Variants in LPP observed in about 807,000 individuals in gnomAD.
The protein encoded by LPP is lipoma-preferred partner.
A neutral mutation model predicts 60.4 loss-of-function variants in LPP; 38 were observed. The observed-to-expected ratio is 0.63, with a 90% CI of 0.49 to 0.83. LPP has a LOEUF of 0.83. Among genes scored for constraint, LPP ranks in the 40% least tolerant of loss-of-function variants. LPP has a pLI of 0.00. For missense variants in LPP, 902 were observed against 783.6 expected (o/e 1.15, Z -1.80); for synonymous variants, 328 against 290.8 (o/e 1.13, Z -1.30).
chr3:188,260,938 G>A (rs1733399733), intron 2 of LPP, among the ~76,000 whole-genome samples: 1 of 152,028 alleles, frequency 6.6e-6, no homozygotes, highest in Admixed American at 6.6e-5. Flanking sequence ...AGGAGGCTGA[G>A]TCAGGAGAAT....
intron 5 of LPP, among the ~76,000 whole-genome samples, chr3:188,485,517 G>T (rs1166695110): frequency 2.6e-5 from 4 of 152,154 alleles, no homozygotes; most frequent in Non-Finnish European, 5.9e-5. Context: ...AATGGAATGG[G>T]CCGGGCGCGG....
chr3:188,684,078 CACAT>C (rs1409121582), intron 7 of LPP, among the ~76,000 whole-genome samples: 1 of 152,244 alleles, frequency 6.6e-6, no homozygotes, highest in Admixed American at 6.5e-5. Flanking sequence ...AACTGCAAGA[CACAT>C]ACGCATTGGC....
chr3:188,479,872 G>T (rs919111260), intron 4 of LPP, among the ~76,000 whole-genome samples: 5 of 152,178 alleles, frequency 3.3e-5, no homozygotes, highest in Non-Finnish European at 7.4e-5. Context: ...GAGTTGAATT[G>T]TTCCCATGTG....
chr3:188,384,330 ATGTGTGTG>A (rs61561622), intron 3 of LPP, among the ~76,000 whole-genome samples: 2 of 148,798 alleles, frequency 1.3e-5, no homozygotes, highest in Non-Finnish European at 3.0e-5. Context: ...ATGTATGTGC[ATGTGTGTG>A]TGTGTGTGTG....
chr3:188,291,663 AAG>A (rs1491029927), intron 2 of LPP, among the ~76,000 whole-genome samples: 1 of 151,204 alleles, frequency 6.6e-6, no homozygotes, highest in Non-Finnish European at 1.5e-5. Flanking sequence ...AAAAAAAAAA[AAG>A]AGAAAGGACA....
intron 9 of LPP, among the ~76,000 whole-genome samples, chr3:188,767,222 A>ATT: frequency 6.6e-6 from 1 of 152,190 alleles, no homozygotes; most frequent in Non-Finnish European, 1.5e-5. Flanking sequence ...TCAGACCAAA[A>ATT]TAAGATAATA....
intron 7 of LPP, among the ~76,000 whole-genome samples, chr3:188,699,256 A>G (rs931148460): frequency 6.6e-6 from 1 of 152,172 alleles, no homozygotes; most frequent in Non-Finnish European, 1.5e-5. Flanking sequence ...GTGGAGACGG[A>G]GAGAGGTGGG....
chr3:188,464,328 T>C (rs1415904626), intron 4 of LPP, among the ~76,000 whole-genome samples: 1 of 152,154 alleles, frequency 6.6e-6, no homozygotes, highest in East Asian at 1.9e-4. Flanking sequence ...TGAAGTTGAA[T>C]TTAAATCTAC....
chr3:188,309,491 G>A (rs1752704099), intron 2 of LPP, among the ~76,000 whole-genome samples: 1 of 152,118 alleles, frequency 6.6e-6, no homozygotes, highest in African/African-American at 2.4e-5. Context: ...GATGATCCCT[G>A]ATTTCTCTGT....
intron 4 of LPP, among the ~76,000 whole-genome samples, chr3:188,439,121 TAAAG>T (rs1165106297): frequency 2.6e-5 from 4 of 152,236 alleles, no homozygotes; most frequent in African/African-American, 7.2e-5. Flanking sequence ...CATTTTCTGA[TAAAG>T]AAAGGGGAGT....
At chr3:188,753,739 A>T (rs1312496248) in intron 8 of LPP, among the ~76,000 whole-genome samples, 2 of 151,906 alleles carry the variant, frequency 1.3e-5, no homozygotes, top group South Asian at 2.1e-4. Context: ...AGTGGCAGTC[A>T]TTGATCCTTT....
chr3:188,292,574 G>A (rs1290436179), intron 2 of LPP, among the ~76,000 whole-genome samples: 1 of 152,194 alleles, frequency 6.6e-6, no homozygotes, highest in African/African-American at 2.4e-5. Flanking sequence ...AGGTGGGAAG[G>A]ATTGAATTCT....
intron 9 of LPP, among the ~76,000 whole-genome samples, chr3:188,854,531 G>A (rs904256453): frequency 6.6e-6 from 1 of 152,130 alleles, no homozygotes; most frequent in African/African-American, 2.4e-5. Flanking sequence ...TCTTCCATTG[G>A]CAGAAATACA....
intron 4 of LPP, among the ~76,000 whole-genome samples, chr3:188,407,816 G>C (rs1444575427): frequency 6.4e-5 from 6 of 93,066 alleles, no homozygotes; most frequent in African/African-American, 2.3e-4. Flanking sequence ...TTGAGATGGA[G>C]TTTCACTCTT....
chr3:188,737,639 G>A (rs1032745934), intron 8 of LPP, among the ~76,000 whole-genome samples: 1 of 152,168 alleles, frequency 6.6e-6, no homozygotes, highest in African/African-American at 2.4e-5. Flanking sequence ...AGTAGTTCTA[G>A]ACTCAGATAC....
At chr3:188,802,789 G>GA (rs965892061) in intron 9 of LPP, among the ~76,000 whole-genome samples, 19 of 143,084 alleles carry the variant, frequency 1.3e-4, no homozygotes, top group East Asian at 6.1e-4. Flanking sequence ...TGTCTCAAAA[G>GA]AAAAAAAAAA....
At position 188,572,558 on chromosome 3, in the gene LPP, G is replaced by A. The variant is rs911911207; in HGVS notation, c.430-36603G>A. On this transcript the variant is annotated intron_variant, in intron 6 of 11. Coordinates refer to ENST00000617246, the MANE Select transcript of LPP (RefSeq NM_001375462.1). This position sits in a 1 kb window ranked among gnomAD's most constrained non-coding sequence, Gnocchi z 4.1. The stretch of plus-strand genomic sequence containing the variant: ...AGTCTAGAGAACCTGATTTGTAACT[G>A]TATCATTATGACTTACTGAATTTCA... Among the ~76,000 whole-genome samples the A allele has an allele frequency of 6.6e-6, 1 of 152,042 alleles. No homozygotes were observed. Among genetic ancestry groups the A allele is most frequent in the Admixed American group, 6.6e-5 (1 of 15,248 alleles).
At chr3:188,546,271 T>G (rs1826629221) in intron 6 of LPP, among the ~76,000 whole-genome samples, 2 of 152,162 alleles carry the variant, frequency 1.3e-5, no homozygotes, top group Admixed American at 6.6e-5. Context: ...GCCAGATTAT[T>G]TCTATGTTGT....
At position 188,352,644 on chromosome 3, in the gene LPP, A is replaced by G. The variant is rs558160561; in HGVS notation, c.-10+10925A>G. On this transcript the variant is annotated intron_variant, in intron 3 of 11. Coordinates refer to ENST00000617246, the MANE Select transcript of LPP (RefSeq NM_001375462.1). This position sits in a 1 kb window ranked among gnomAD's most constrained non-coding sequence, Gnocchi z 4.4. ...TGACTTGCTCAAGGCCACAGAGTGC[A>G]TAGAGAGAAGGCTGGGAGAGGAGGT... Among the ~76,000 whole-genome samples, 106 of 152,334 alleles carry G rather than the reference A, an allele frequency of 7.0e-4. 1 individual carries two copies. Among genetic ancestry groups the G allele is most frequent in the African/African-American group, 2.5e-3 (104 of 41,586 alleles).
Sources: allele counts gnomAD v4.1 joint callset (sites outside exome capture counted in the v4.1 genomes callset), GRCh38; gene constraint gnomAD v4.1.1; non-coding constraint Gnocchi (gnomAD v3.1); transcripts MANE v1.5; gene names NCBI Gene and HGNC (gene_info 2026-07-23, HGNC 2026-07-21).